ECHDC1: variants seen among roughly 807,000 people sequenced by gnomAD.
The protein encoded by ECHDC1 is ethylmalonyl-CoA decarboxylase 1.
Under a neutral mutation model 29.7 loss-of-function variants are expected in ECHDC1, and 29 were observed. The observed-to-expected ratio is 0.98, with a 90% CI of 0.73 to 1.33. The LOEUF (loss-of-function observed/expected upper bound fraction) is 1.33. ECHDC1 is among the 40% of genes most tolerant of loss of function. The pLI is 0.00. For synonymous variants in ECHDC1, 126 were observed against 123.1 expected (o/e 1.02, Z -0.15); for missense variants, 328 against 350.0 (o/e 0.94, Z 0.50).
At chr6:127,334,582 T>C (rs987785319) in intron 1 of ECHDC1, among the ~76,000 whole-genome samples, 7 of 152,136 alleles carry the variant, frequency 4.6e-5, no homozygotes, top group Admixed American at 2.6e-4. Context: ...GTCCAAAGCT[T>C]TTTTTAAATT....
chr6:127,292,244 G>C (rs1488758650), intron 5 of ECHDC1, among the ~76,000 whole-genome samples: 1 of 151,974 alleles, frequency 6.6e-6, no homozygotes, highest in East Asian at 1.9e-4. Context: ...CTAGATGTTG[G>C]AATAATGTAG....
intron 5 of ECHDC1, among the ~76,000 whole-genome samples, chr6:127,293,902 T>C (rs1780389022): frequency 6.6e-6 from 1 of 152,176 alleles, no homozygotes; most frequent in Admixed American, 6.5e-5. Context: ...CTCAACACTG[T>C]ATAACCAGCA....
At chr6:127,317,452 T>C (rs904031123) in intron 3 of ECHDC1, among the ~76,000 whole-genome samples, 1 of 152,162 alleles carries the variant, frequency 6.6e-6, no homozygotes, top group African/African-American at 2.4e-5. Context: ...GTAAAAGAAC[T>C]GACTTTGAAT....
Position 127,302,619 on chromosome 6 carries a change from C to T in ECHDC1, c.497+12197G>A, listed in dbSNP as rs538589101. 3.9e-5 allele frequency among the ~76,000 whole-genome samples: 6 copies of T among 152,106 alleles called. No homozygotes were observed. The South Asian group carries it at 8.3e-4, about 21-fold the overall frequency. On this transcript the variant is annotated intron_variant, in intron 5 of 5. Transcript: ENST00000454859. ...TTCACCAAGTTGGCCAGGCTGGTCT[C>T]GAACTCCTGACCTCAGGTGATCCAC...
chr6:127,307,507 T>C (rs1047764393), intron 5 of ECHDC1, among the ~76,000 whole-genome samples: 4 of 151,742 alleles, frequency 2.6e-5, no homozygotes, highest in Admixed American at 2.0e-4. Context: ...CATGCACCTG[T>C]AATCCCAGCT....
intron 5 of ECHDC1, among the ~76,000 whole-genome samples, chr6:127,298,856 G>A (rs888810958): frequency 6.6e-6 from 1 of 151,750 alleles, no homozygotes; most frequent in Non-Finnish European, 1.5e-5. Context: ...CCATGTTAAT[G>A]GTTCGGGTAT....
chr6:127,328,973 G>A (rs1783648177), intron 2 of ECHDC1, among the ~76,000 whole-genome samples: 1 of 152,126 alleles, frequency 6.6e-6, no homozygotes, highest in Non-Finnish European at 1.5e-5. Context: ...CTTGCAGTGA[G>A]CTGAGATCGC....
At chr6:127,299,467 TA>T (rs1562307583) in intron 5 of ECHDC1, among the ~76,000 whole-genome samples, 1 of 151,132 alleles carries the variant, frequency 6.6e-6, no homozygotes, top group Non-Finnish European at 1.5e-5. Context: ...AAAAAACTTT[TA>T]AAAAAGATGA....
At chr6:127,336,512 G>A (rs1784438435) in intron 1 of ECHDC1, among the ~76,000 whole-genome samples, 1 of 152,082 alleles carries the variant, frequency 6.6e-6, no homozygotes, top group Non-Finnish European at 1.5e-5. Flanking sequence ...TCTATGGAAA[G>A]GAAGTATTTC....
chr6:127,329,687 TTA>T (rs1783734632), intron 2 of ECHDC1: 1 of 295,596 alleles, frequency 3.4e-6, no homozygotes, highest in Non-Finnish European at 6.7e-6. Context: ...TCATAATTGT[TTA>T]TATTAGTGAC....
chr6:127,342,548 C>A, intron 1 of ECHDC1: 1 of 589,076 alleles, frequency 1.7e-6, no homozygotes, highest in South Asian at 2.8e-5. Context: ...TCACCACAAG[C>A]TTGTCTGTTC....
intron 5 of ECHDC1, among the ~76,000 whole-genome samples, chr6:127,300,534 A>T (rs1780976092): frequency 6.6e-6 from 1 of 152,270 alleles, no homozygotes; most frequent in Non-Finnish European, 1.5e-5. Flanking sequence ...AGGATAAATA[A>T]GAGAGATTCA....
At position 127,288,943 on chromosome 6, in the gene ECHDC1, T is replaced by C. The variant is rs1343982686; in HGVS notation, c.*926A>G. On this transcript the variant is annotated 3_prime_UTR_variant, in exon 6 of 6. Transcript: ENST00000454859. ...TACAGTAGCAAATACTTTTGACCTC[T>C]TGTGATGAGTCAGAACTAGAACTTA... 6.6e-6 allele frequency: 1 copy of C among 152,132 alleles called. No homozygotes were observed. Among genetic ancestry groups the C allele is most frequent in the Non-Finnish European group, 1.5e-5 (1 of 67,992 alleles). 9.4% of individuals were successfully genotyped at this position (152,132 alleles called of 1,614,324 possible).
At chr6:127,329,516 C>T (rs1232297517) in intron 2 of ECHDC1, among the ~76,000 whole-genome samples, 1 of 152,050 alleles carries the variant, frequency 6.6e-6, no homozygotes, top group Non-Finnish European at 1.5e-5. Context: ...ATTCCCTAAA[C>T]CAACTGAACA....
chr6:127,334,402 C>G (rs377114218), intron 1 of ECHDC1, among the ~76,000 whole-genome samples: 1 of 152,060 alleles, frequency 6.6e-6, no homozygotes, highest in East Asian at 1.9e-4. Flanking sequence ...TCTGATCTTT[C>G]CCTCTCCTAT....
intron 5 of ECHDC1, among the ~76,000 whole-genome samples, chr6:127,291,276 CTTT>C (rs57066162): frequency 2.3e-5 from 3 of 133,258 alleles, no homozygotes; most frequent in Admixed American, 1.5e-4. Flanking sequence ...GCTCTTATAC[CTTT>C]TTTTTTTTTT....
chr6:127,342,330 C>G, intron 1 of ECHDC1: 1 of 1,540,708 alleles, frequency 6.5e-7, no homozygotes. Flanking sequence ...TCTCCAACTA[C>G]CCTGTTTATA....
chr6:127,339,614 A>G (rs1286857075), intron 1 of ECHDC1, among the ~76,000 whole-genome samples: 1 of 151,888 alleles, frequency 6.6e-6, no homozygotes, highest in African/African-American at 2.4e-5. Context: ...CTCTACTAAA[A>G]ATACAAAAAT....
At chr6:127,322,033 T>TC (rs1235970096) in intron 3 of ECHDC1, among the ~76,000 whole-genome samples, 2 of 151,428 alleles carry the variant, frequency 1.3e-5, no homozygotes, top group African/African-American at 4.9e-5. Flanking sequence ...TAGCTAGGCC[T>TC]GGTGGTTCAT....
Sources: allele counts gnomAD v4.1 joint callset (sites outside exome capture counted in the v4.1 genomes callset), GRCh38; gene constraint gnomAD v4.1.1; transcripts MANE v1.5; gene names NCBI Gene and HGNC (gene_info 2026-07-23, HGNC 2026-07-21).